The following CRIM1 variants were observed in gnomAD, a reference collection of about 807,000 sequenced individuals.
The protein encoded by CRIM1 is cysteine-rich motor neuron 1 protein.
CRIM1 carries 32 observed loss-of-function variants against 116.4 expected under a neutral mutation model. The observed-to-expected ratio is 0.27, with a 90% CI of 0.21 to 0.37. The LOEUF (loss-of-function observed/expected upper bound fraction) is 0.37. CRIM1 is among the 10% of genes least tolerant of loss of function. CRIM1 has a pLI of 1.00. For missense variants in CRIM1, 1,331 were observed against 1,354.8 expected (o/e 0.98, Z 0.28); for synonymous variants, 590 against 509.2 (o/e 1.16, Z -2.13).
chr2:36,437,104 G>C (rs558781771), intron 2 of CRIM1, among the ~76,000 whole-genome samples: 1 of 152,336 alleles, frequency 6.6e-6, no homozygotes, highest in South Asian at 2.1e-4. Context: ...GGCTGGGCAC[G>C]GTGGCGCACG....
At chr2:36,362,017 T>C (rs1461867391) in intron 1 of CRIM1, among the ~76,000 whole-genome samples, 2 of 152,154 alleles carry the variant, frequency 1.3e-5, no homozygotes, top group Admixed American at 1.3e-4. Context: ...ATTGGTCTTC[T>C]ATGCTGTACA....
At chr2:36,510,923 C>CGT (rs1664628208) in intron 9 of CRIM1, among the ~76,000 whole-genome samples, 1 of 109,178 alleles carries the variant, frequency 9.2e-6, no homozygotes, top group African/African-American at 3.5e-5. Flanking sequence ...GATTCCTTTT[C>CGT]TTTTTTTTTT....
chr2:36,432,790 T>TAA (rs77459787), intron 2 of CRIM1, among the ~76,000 whole-genome samples: 24 of 151,378 alleles, frequency 1.6e-4, no homozygotes, highest in Non-Finnish European at 2.7e-4. Context: ...TGGGGAACTG[T>TAA]AAAAAAAAAT....
rs1188353510 is a variant in CRIM1, at chr2:36,513,460, T to C, written c.1781-96T>C. Reference sequence around the variant, plus strand: ...CAAACTGTCCTGTGTTAGACGTAATTGTTGGTGGCTGGGGTCCAGTCCATG... The same window carrying C: ...CAAACTGTCCTGTGTTAGACGTAATCGTTGGTGGCTGGGGTCCAGTCCATG... On this transcript the variant is annotated intron_variant, in intron 10 of 16. Coordinates refer to ENST00000280527, the MANE Select transcript of CRIM1 (RefSeq NM_016441.3). 5.6e-6 allele frequency: 5 copies of C among 897,290 alleles called. No individual in the cohort carries two copies. The East Asian group carries it at 9.7e-5, about 17-fold the overall frequency. The allele number at this position is 897,290 out of a possible 1,614,324, so 55.6% of individuals were successfully genotyped here. A position where few individuals can be genotyped will look rare whatever the true frequency, so the allele number is the denominator to read the frequency against.
chr2:36,490,647 A>G (rs6719013), intron 7 of CRIM1, among the ~76,000 whole-genome samples: 4,766 of 152,122 alleles, frequency 0.031, 224 homozygotes, highest in African/African-American at 0.11. Context: ...TCTGACTGGA[A>G]TTTTGACCTT....
chr2:36,362,197 G>T (rs532261016), intron 1 of CRIM1, among the ~76,000 whole-genome samples: 1 of 148,822 alleles, frequency 6.7e-6, no homozygotes, highest in African/African-American at 2.6e-5. Flanking sequence ...AAGCCAAGTA[G>T]AAGTGATTTT....
At chr2:36,520,481 A>G (rs1327643660) in intron 12 of CRIM1, among the ~76,000 whole-genome samples, 1 of 152,206 alleles carries the variant, frequency 6.6e-6, no homozygotes, top group African/African-American at 2.4e-5. Flanking sequence ...GATAACCACG[A>G]AAAGGTCATT....
intron 6 of CRIM1, among the ~76,000 whole-genome samples, chr2:36,477,609 C>T (rs1383020177): frequency 2.6e-5 from 4 of 152,174 alleles, no homozygotes; most frequent in Non-Finnish European, 5.9e-5. Context: ...ATCAGGTCAC[C>T]ACCTGGTGAC....
chr2:36,390,301 G>A (rs1359779424), intron 1 of CRIM1, among the ~76,000 whole-genome samples: 1 of 152,206 alleles, frequency 6.6e-6, no homozygotes, highest in Non-Finnish European at 1.5e-5. Context: ...TAGGGTTGGG[G>A]AAGGTCACTC....
chr2:36,548,488 A>T (rs759307788), intron 16 of CRIM1, 37 bp from the exon 17 acceptor site: 1 of 1,488,478 alleles, frequency 6.7e-7, no homozygotes, highest in Non-Finnish European at 9.0e-7. Context: ...TAAAGCAACT[A>T]ATTTTTTGTG....
intron 2 of CRIM1, among the ~76,000 whole-genome samples, chr2:36,406,616 G>GCCC (rs1354690389): frequency 1.1e-5 from 1 of 94,280 alleles, no homozygotes; most frequent in African/African-American, 4.5e-5. Flanking sequence ...GCTAATATTT[G>GCCC]ACCCCTCCCC....
chr2:36,441,450 A>C lies in CRIM1; in HGVS notation c.698A>C (p.Lys233Thr). ...GGAAACCTGAACATACTAGTGTCAA[A>C]AGCCTCAGGGAAGCCGGGAGAGTGC... ...QPGNLNILVS[K>T]ASGKPGECCD... Residue 233 changes from lysine (K) to threonine (T), a missense_variant, in exon 3 of 17, where the codon AAA becomes ACA. Around this residue, in one of 3 missense-constraint regions of CRIM1, gnomAD observed 690 missense variants for 676.0 expected, o/e 1.02. Coordinates refer to ENST00000280527, the MANE Select transcript of CRIM1 (RefSeq NM_016441.3). 1 of 1,613,844 alleles carries C rather than the reference A, an allele frequency of 6.2e-7. No homozygotes were observed. Among genetic ancestry groups the C allele is most frequent in the East Asian group, 2.2e-5 (1 of 44,888 alleles).
chr2:36,357,116 C>A (rs565358868), intron 1 of CRIM1, among the ~76,000 whole-genome samples: 1 of 152,218 alleles, frequency 6.6e-6, no homozygotes, highest in East Asian at 1.9e-4. Context: ...TCGCACTCCC[C>A]GAGTGACTCT....
Position 36,548,580 on chromosome 2 carries a change from T to A in CRIM1, c.2990T>A (p.Val997Asp). Residue 997 changes from valine (V) to aspartate (D), a missense_variant, in exon 17 of 17, where the codon GTC (valine) becomes GAC (aspartate). Physicochemically the swap from Val to Asp is radical, Grantham distance 152. Coordinates refer to ENST00000280527, the MANE Select transcript of CRIM1 (RefSeq NM_016441.3). Reference protein sequence around the residue: ...VSVDCKKGTRVQVDSSQRMLR... With the variant: ...VSVDCKKGTRDQVDSSQRMLR... Reference sequence around the variant, plus strand: ...GTGGACTGCAAGAAAGGAACCAGAGTCCAGGTGGACAGTTCCCAGAGAATG... The same window carrying A: ...GTGGACTGCAAGAAAGGAACCAGAGACCAGGTGGACAGTTCCCAGAGAATG... 6.2e-7 allele frequency: 1 copy of A among 1,610,702 alleles called. No individual in the cohort carries two copies. The highest frequency in any genetic ancestry group is 8.5e-7 in the Non-Finnish European group (1 of 1,178,926).
At chr2:36,513,954 A>G (rs1664869126) in intron 11 of CRIM1, among the ~76,000 whole-genome samples, 189 bp downstream of exon 11, 1 of 152,236 alleles carries the variant, frequency 6.6e-6, no homozygotes, top group African/African-American at 2.4e-5. Context: ...CAAAGACCAG[A>G]GAAAATTCTA....
At chr2:36,499,681 G>A (rs1013835492) in intron 8 of CRIM1, among the ~76,000 whole-genome samples, 11 of 152,016 alleles carry the variant, frequency 7.2e-5, no homozygotes, top group Non-Finnish European at 1.3e-4. Context: ...GGTCACCCAC[G>A]CATACAGTGT....
intron 2 of CRIM1, among the ~76,000 whole-genome samples, chr2:36,399,292 G>A (rs1187059791): frequency 6.6e-6 from 1 of 152,236 alleles, no homozygotes; most frequent in Non-Finnish European, 1.5e-5. Flanking sequence ...GGCAGACTTT[G>A]GTTGTGGTGG....
chr2:36,420,401 T>A (rs1161116462), intron 2 of CRIM1, among the ~76,000 whole-genome samples: 1 of 152,154 alleles, frequency 6.6e-6, no homozygotes, highest in Non-Finnish European at 1.5e-5. Flanking sequence ...AGAGCCGAGG[T>A]TGGAACCCAG....
intron 14 of CRIM1, among the ~76,000 whole-genome samples, chr2:36,538,533 A>G (rs537869815): frequency 6.6e-6 from 1 of 152,356 alleles, no homozygotes; most frequent in South Asian, 2.1e-4. Flanking sequence ...TCACAAGTGC[A>G]TCTGTACTAT....
Sources: gnomAD v4.1 joint callset for allele counts (sites outside exome capture counted in the v4.1 genomes callset) on GRCh38, gnomAD v4.1.1 for gene constraint, gnomAD v4.1.1 regional missense constraint, MANE v1.5 for transcripts, NCBI Gene and HGNC (gene_info 2026-07-23, HGNC 2026-07-21) for gene names.